DGLUCY: variants seen among roughly 807,000 people sequenced by gnomAD.
The protein encoded by DGLUCY is D-glutamate cyclase, mitochondrial.
Under a neutral mutation model 58.5 loss-of-function variants are expected in DGLUCY, and 58 were observed. The observed-to-expected ratio is 0.99, with a 90% CI of 0.80 to 1.23. DGLUCY has a LOEUF of 1.23. Among genes scored for constraint, DGLUCY ranks in the 50% most tolerant of loss-of-function variants. The probability of loss-of-function intolerance (pLI) is 0.00; values close to 1 mark genes in which losing one functional copy is unlikely to be tolerated. For missense variants in DGLUCY, 779 were observed against 784.7 expected (o/e 0.99, Z 0.09); for synonymous variants, 325 against 314.1 (o/e 1.03, Z -0.37).
chr14:91,221,342 A>G (rs1368609489), intron 13 of DGLUCY, among the ~76,000 whole-genome samples: 4 of 152,226 alleles, frequency 2.6e-5, no homozygotes, highest in Non-Finnish European at 1.5e-5. Flanking sequence ...GAAGGCACTC[A>G]GGAAATGTTG....
chr14:91,134,486 G>GGAGT (rs1321281033), intron 1 of DGLUCY, among the ~76,000 whole-genome samples: 1 of 150,954 alleles, frequency 6.6e-6, no homozygotes, highest in Non-Finnish European at 1.5e-5. Flanking sequence ...CACCCAGGCT[G>GGAGT]GAGTGCAGTG....
At chr14:91,133,032 G>A (rs1038743124) in intron 1 of DGLUCY, among the ~76,000 whole-genome samples, 9 of 151,704 alleles carry the variant, frequency 5.9e-5, no homozygotes, top group Non-Finnish European at 8.8e-5. Context: ...GGTAGCTCAC[G>A]CCTGTAATCC....
chr14:91,066,232 G>T (rs972970581), intron 1 of DGLUCY, among the ~76,000 whole-genome samples: 1 of 151,898 alleles, frequency 6.6e-6, no homozygotes, highest in Non-Finnish European at 1.5e-5. Flanking sequence ...AGAAAAATTA[G>T]CCGGGCCTGG....
chr14:91,094,233 G>A (rs1442942355), intron 1 of DGLUCY, among the ~76,000 whole-genome samples: 2 of 151,660 alleles, frequency 1.3e-5, no homozygotes, highest in Non-Finnish European at 1.5e-5. Flanking sequence ...TCAGGAGTTC[G>A]AGACCAGCCT....
rs79433785 is a variant in DGLUCY at position 91,070,777 on chromosome 14, A to G, written c.-82+10073A>G. Among the ~76,000 whole-genome samples the G allele has an allele frequency of 2.2e-3, 335 of 152,354 alleles. 3 individuals are homozygous for G. Among genetic ancestry groups the G allele is most frequent in the Non-Finnish European group, 3.5e-3 (236 of 68,030 alleles). The stretch of plus-strand genomic sequence containing the variant: ...GAGATCCAATAGATGCATAATTGGC[A>G]TTCCTGAAGACCAAGTCAGAACAAA... On this transcript the variant is annotated intron_variant, in intron 1 of 4. Transcript: ENST00000521334.
chr14:91,186,524 A>G (rs2049535239), intron 8 of DGLUCY, among the ~76,000 whole-genome samples: 1 of 152,166 alleles, frequency 6.6e-6, no homozygotes, highest in African/African-American at 2.4e-5. Context: ...TCAGCCTCCC[A>G]AAGTGCTGGG....
chr14:91,147,113 A>T (rs2047053424), intron 1 of DGLUCY, among the ~76,000 whole-genome samples: 1 of 152,142 alleles, frequency 6.6e-6, no homozygotes, highest in South Asian at 2.1e-4. Context: ...CAGGAAACTC[A>T]CTTAAGGGGG....
chr14:91,119,997 C>T (rs1334335906), intron 1 of DGLUCY, among the ~76,000 whole-genome samples: 1 of 152,198 alleles, frequency 6.6e-6, no homozygotes, highest in Non-Finnish European at 1.5e-5. Context: ...GCATTGTTGG[C>T]TTCCCTACTT....
chr14:91,092,734 T>G (rs1478376692), intron 1 of DGLUCY, among the ~76,000 whole-genome samples: 1 of 152,172 alleles, frequency 6.6e-6, no homozygotes, highest in Non-Finnish European at 1.5e-5. Context: ...AACATAATCC[T>G]TGCAAGTACC....
At chr14:91,062,612 A>AC (rs1566925850) in intron 1 of DGLUCY, among the ~76,000 whole-genome samples, 1 of 28,702 alleles carries the variant, frequency 3.5e-5, no homozygotes, top group Non-Finnish European at 5.7e-5. Flanking sequence ...TATATATATA[A>AC]ACAATCCTTA....
chr14:91,205,754 C>CTCTTCT (rs34299453), intron 12 of DGLUCY, among the ~76,000 whole-genome samples: 6,231 of 129,746 alleles, frequency 0.048, 273 homozygotes, highest in East Asian at 0.17. Flanking sequence ...CCAGGGCATT[C>CTCTTCT]TCTTCTTCTT....
At chr14:91,090,901 A>G (rs2044300442) in intron 1 of DGLUCY, among the ~76,000 whole-genome samples, 1 of 151,976 alleles carries the variant, frequency 6.6e-6, no homozygotes, top group African/African-American at 2.4e-5. Flanking sequence ...GGGCGAATCC[A>G]CCCATTTCCC....
intron 6 of DGLUCY, chr14:91,173,646 T>A: frequency 1.6e-6 from 1 of 621,338 alleles, no homozygotes; most frequent in Non-Finnish European, 2.5e-6. Context: ...TCCCATGGCT[T>A]GTCTTTGTTT....
intron 1 of DGLUCY, among the ~76,000 whole-genome samples, chr14:91,100,946 C>T (rs983888231): frequency 1.3e-5 from 2 of 152,016 alleles, no homozygotes; most frequent in Non-Finnish European, 2.9e-5. Flanking sequence ...TGGCGCACAC[C>T]TATGGTCCCA....
At chr14:91,181,014 T>A (rs965462418) in intron 7 of DGLUCY, among the ~76,000 whole-genome samples, 172 bp from the exon 8 acceptor site, 1 of 152,200 alleles carries the variant, frequency 6.6e-6, no homozygotes, top group Non-Finnish European at 1.5e-5. Flanking sequence ...AAATGGAACT[T>A]GATGTAGCTA....
At chr14:91,071,184 A>C (rs1246503389) in intron 1 of DGLUCY, among the ~76,000 whole-genome samples, 1 of 151,898 alleles carries the variant, frequency 6.6e-6, no homozygotes, top group African/African-American at 2.4e-5. Context: ...TACAAAAAAA[A>C]AAATTAGCAA....
chr14:91,198,689 G>GTAATCATAGCAACAA (rs917517850), intron 10 of DGLUCY, among the ~76,000 whole-genome samples: 4 of 152,168 alleles, frequency 2.6e-5, no homozygotes, highest in African/African-American at 9.7e-5. Context: ...AGTCCTGCTA[G>GTAATCATAGCAACAA]TAATCATAGC....
chr14:91,067,897 C>T (rs541364777), intron 1 of DGLUCY, among the ~76,000 whole-genome samples: 1 of 152,072 alleles, frequency 6.6e-6, no homozygotes, highest in Non-Finnish European at 1.5e-5. Context: ...GTACCTTTGC[C>T]ATGTGATATA....
At chr14:91,084,982 A>G (rs1160370848) in intron 1 of DGLUCY, among the ~76,000 whole-genome samples, 1 of 152,044 alleles carries the variant, frequency 6.6e-6, no homozygotes, top group African/African-American at 2.4e-5. Context: ...CACACTTTGG[A>G]AGGGCAAAAC....
Sources: gnomAD v4.1 joint callset for allele counts (sites outside exome capture counted in the v4.1 genomes callset) on GRCh38, gnomAD v4.1.1 for gene constraint, MANE v1.5 for transcripts, NCBI Gene and HGNC (gene_info 2026-07-23, HGNC 2026-07-21) for gene names.